CDC42: variants seen among roughly 807,000 people sequenced by gnomAD.
CDC42 encodes cell division control protein 42 homolog.
Under a neutral mutation model 20.8 loss-of-function variants are expected in CDC42, and 1 was observed. The ratio of observed to expected loss-of-function variants is 0.05; its 90% CI spans 0.02 to 0.23. The LOEUF (loss-of-function observed/expected upper bound fraction) is 0.23. Ranked by LOEUF, CDC42 falls within the 10% of genes least tolerant of loss-of-function variation. The probability of loss-of-function intolerance (pLI) is 1.00; values close to 1 mark genes in which losing one functional copy is unlikely to be tolerated. For synonymous variants in CDC42, 72 were observed against 84.8 expected (o/e 0.85, Z 0.83); for missense variants, 49 against 227.9 (o/e 0.21, Z 5.05).
intron 1 of CDC42, among the ~76,000 whole-genome samples, chr1:22,070,851 G>C (rs1645482278): frequency 6.6e-6 from 1 of 151,910 alleles, no homozygotes. Context: ...ATAAAAACCG[G>C]ACACAGCAGT....
chr1:22,068,062 A>T (rs183597154), intron 1 of CDC42, among the ~76,000 whole-genome samples: 1 of 152,188 alleles, frequency 6.6e-6, no homozygotes, highest in African/African-American at 2.4e-5. Context: ...GGCCTAGGTG[A>T]CAGGGTGAGA....
At position 22,098,030 on chromosome 1, in the gene CDC42, G is replaced by T. The variant is rs2124068450; in HGVS notation, c.*6513G>T. Among the ~76,000 whole-genome samples the T allele has an allele frequency of 6.6e-6, 1 of 152,186 alleles. No homozygotes were observed. The highest frequency in any genetic ancestry group is 2.1e-4 in the South Asian group (1 of 4,818). ...GCACAGGATCATAACTGTTCTGTTT[G>T]CTCTGATGCGTCCCGCAGAGCAGTG... On this transcript the variant is annotated 3_prime_UTR_variant, in exon 6 of 6. Transcript: ENST00000656825.
intron 1 of CDC42, among the ~76,000 whole-genome samples, chr1:22,076,432 TACACACACACAC>T (rs369972777): frequency 6.7e-6 from 1 of 149,468 alleles, no homozygotes; most frequent in Non-Finnish European, 1.5e-5. Flanking sequence ...CACTGACACA[TACACACACACAC>T]ACACACAACA....
At chr1:22,058,711 C>G (rs528285437) in intron 1 of CDC42, among the ~76,000 whole-genome samples, 41 of 152,230 alleles carry the variant, frequency 2.7e-4, no homozygotes, top group African/African-American at 9.6e-4. Context: ...GCTGGTCAGG[C>G]TGGTCTCAAA....
chr1:22,065,023 G>C (rs12079429), intron 1 of CDC42, among the ~76,000 whole-genome samples: 1 of 152,164 alleles, frequency 6.6e-6, no homozygotes, highest in Admixed American at 6.5e-5. Flanking sequence ...GATAGTAAGA[G>C]TTCATAGTTG....
intron 1 of CDC42, among the ~76,000 whole-genome samples, chr1:22,055,014 C>T (rs1252008587): frequency 2.3e-5 from 3 of 129,764 alleles, no homozygotes; most frequent in Non-Finnish European, 3.1e-5. Context: ...AGTGCAGTGG[C>T]GCAATCTCAG....
intron 1 of CDC42, among the ~76,000 whole-genome samples, chr1:22,077,613 C>CA (rs1557901714): frequency 2.0e-5 from 3 of 151,846 alleles, no homozygotes; most frequent in Non-Finnish European, 2.9e-5. Flanking sequence ...TCATAGAAGT[C>CA]AAAATGTGGG....
At position 22,062,738 on chromosome 1, in the gene CDC42, A is replaced by T. The variant is rs1422879838; in HGVS notation, c.-51+9996A>T. The stretch of plus-strand genomic sequence containing the variant: ...GAGACCGTGGCTCTATTTAAAAAAA[A>T]AAAAAAAAAAAAAAAAAAAAAAAAA... On this transcript the variant is annotated intron_variant, in intron 1 of 5. Coordinates refer to ENST00000656825, the MANE Select transcript of CDC42 (RefSeq NM_001791.4). Among the ~76,000 whole-genome samples, 3 of 1,364 alleles carry T rather than the reference A, an allele frequency of 2.2e-3. No individual in the cohort carries two copies. In the African/African-American group the frequency reaches 0.033, roughly 15 times the overall value. 0.9% of individuals were successfully genotyped at this position (1,364 alleles called of 152,430 possible). A position where few individuals can be genotyped will look rare whatever the true frequency, so the allele number is the denominator to read the frequency against.
intron 1 of CDC42, among the ~76,000 whole-genome samples, chr1:22,076,065 A>G (rs1288173780): frequency 1.3e-5 from 2 of 152,172 alleles, no homozygotes; most frequent in African/African-American, 4.8e-5. Flanking sequence ...CATTGCTGGT[A>G]ACTCACGGAT....
At chr1:22,054,754 T>G (rs1426439724) in intron 1 of CDC42, among the ~76,000 whole-genome samples, 1 of 151,728 alleles carries the variant, frequency 6.6e-6, no homozygotes, top group Non-Finnish European at 1.5e-5. Flanking sequence ...ATACATTTGT[T>G]AGCCTTGATG....
rs910555879 is a variant in CDC42, at chr1:22,098,967, C to T, written c.*7450C>T. 2.6e-5 allele frequency among the ~76,000 whole-genome samples: 4 copies of T among 152,250 alleles called. No homozygotes were observed. The South Asian group carries it at 8.3e-4, about 32-fold the overall frequency. The stretch of plus-strand genomic sequence containing the variant: ...AGAGAGGGGGTTTTGCCATTTTACC[C>T]AGGCTGGTCTCGAACTCCTGAGCTG... On this transcript the variant is annotated 3_prime_UTR_variant, in exon 6 of 6. Coordinates refer to ENST00000656825, the MANE Select transcript of CDC42 (RefSeq NM_001791.4).
At chr1:22,058,978 C>A (rs1215656782) in intron 1 of CDC42, among the ~76,000 whole-genome samples, 1 of 144,478 alleles carries the variant, frequency 6.9e-6, no homozygotes, top group Non-Finnish European at 1.5e-5. Flanking sequence ...CCACACTTGG[C>A]TAATTGTAAA....
chr1:22,066,061 T>C (rs1645419793), intron 1 of CDC42, among the ~76,000 whole-genome samples: 1 of 152,210 alleles, frequency 6.6e-6, no homozygotes, highest in African/African-American at 2.4e-5. Context: ...GGCGTTTTTT[T>C]CATATTACTA....
intron 1 of CDC42, among the ~76,000 whole-genome samples, chr1:22,067,109 C>T (rs188643298): frequency 2.6e-5 from 4 of 152,032 alleles, no homozygotes; most frequent in African/African-American, 9.6e-5. Context: ...TACAGGGGAA[C>T]GGAGCATGAG....
At chr1:22,058,118 A>G (rs1645323892) in intron 1 of CDC42, among the ~76,000 whole-genome samples, 1 of 152,184 alleles carries the variant, frequency 6.6e-6, no homozygotes, top group Non-Finnish European at 1.5e-5. Context: ...TGGACCCATC[A>G]GCATAAGTGT....
chr1:22,078,727 A>G, intron 2 of CDC42, 144 bp downstream of exon 2: 4 of 1,504,526 alleles, frequency 2.7e-6, no homozygotes, highest in Non-Finnish European at 3.5e-6. Context: ...TCATGGGTAA[A>G]TTATATACAC....
chr1:22,070,410 T>G (rs1258905483), intron 1 of CDC42, among the ~76,000 whole-genome samples: 2 of 149,294 alleles, frequency 1.3e-5, no homozygotes, highest in African/African-American at 4.9e-5. Context: ...ACAAGTTACT[T>G]CCTCCTTCCT....
rs542243223 is a variant in CDC42, at chr1:22,095,879, G to A, written c.*4362G>A. Among the ~76,000 whole-genome samples the A allele has an allele frequency of 6.6e-6, 1 of 152,288 alleles. No homozygotes were observed. Among genetic ancestry groups the A allele is most frequent in the African/African-American group, 2.4e-5 (1 of 41,560 alleles). On this transcript the variant is annotated 3_prime_UTR_variant, in exon 6 of 6. Transcript: ENST00000656825. Reference sequence around the variant, plus strand: ...AGGGAAAGCGCATTTACACTTTCTCGTATTCCATTGCCCAGAGATGGCATA... The same window carrying A: ...AGGGAAAGCGCATTTACACTTTCTCATATTCCATTGCCCAGAGATGGCATA...
At chr1:22,089,172 A>G (rs1424225598) in intron 5 of CDC42, among the ~76,000 whole-genome samples, 1 of 152,208 alleles carries the variant, frequency 6.6e-6, no homozygotes, top group Admixed American at 6.5e-5. Flanking sequence ...GAGTCTGTAG[A>G]CCTGGGTCCT....
Sources: allele counts gnomAD v4.1 joint callset (sites outside exome capture counted in the v4.1 genomes callset), GRCh38; gene constraint gnomAD v4.1.1; transcripts MANE v1.5; gene names NCBI Gene and HGNC (gene_info 2026-07-23, HGNC 2026-07-21).